Variants in SULT4A1 observed in about 807,000 individuals in gnomAD.
SULT4A1 encodes sulfotransferase 4A1.
Under a neutral mutation model 35.2 loss-of-function variants are expected in SULT4A1, and 11 were observed. The observed-to-expected ratio is 0.31, with a 90% CI of 0.20 to 0.52. The LOEUF is 0.52. Ranked by LOEUF, SULT4A1 falls within the 20% of genes least tolerant of loss-of-function variation. The probability of loss-of-function intolerance (pLI) is 0.97; values close to 1 mark genes in which losing one functional copy is unlikely to be tolerated. For missense variants in SULT4A1, 271 were observed against 383.7 expected (o/e 0.71, Z 2.45); for synonymous variants, 152 against 151.8 (o/e 1.00, Z -0.01).
chr22:43,842,808 G>C lies in SULT4A1; in HGVS notation c.170-876C>G, dbSNP rs150439736. 1.9e-3 allele frequency among the ~76,000 whole-genome samples: 286 copies of C among 152,304 alleles called. 3 individuals carry two copies. The highest frequency in any genetic ancestry group is 6.6e-3 in the African/African-American group (274 of 41,560). ...GACACAAAGGCGATTCCGGGGTCTA[G>C]AGCTATTAACTGGGTCTGGTGGGAA... is the stretch of plus-strand genomic sequence containing the variant. On this transcript the variant is annotated intron_variant, in intron 1 of 6. Coordinates refer to ENST00000330884, the MANE Select transcript of SULT4A1 (RefSeq NM_014351.4).
intron 1 of SULT4A1, among the ~76,000 whole-genome samples, chr22:43,844,752 A>G (rs2063461576): frequency 6.6e-6 from 1 of 152,144 alleles, no homozygotes. Context: ...TGCCCCTTCA[A>G]GTCGGCCTTT....
At chr22:43,848,678 A>T (rs138093652) in intron 1 of SULT4A1, among the ~76,000 whole-genome samples, 16 of 152,334 alleles carry the variant, frequency 1.1e-4, no homozygotes, top group Middle Eastern at 3.4e-3. Flanking sequence ...TTGCTGTGGG[A>T]CAAACAGGGG....
intron 1 of SULT4A1, among the ~76,000 whole-genome samples, chr22:43,852,049 T>G (rs2049347656): frequency 6.6e-6 from 1 of 152,154 alleles, no homozygotes; most frequent in Non-Finnish European, 1.5e-5. Flanking sequence ...TAGTGAGGTT[T>G]CAAGAGGAAA....
chr22:43,826,107 A>G lies in SULT4A1; in HGVS notation c.749T>C (p.Val250Ala), dbSNP rs1180774998. The G allele has an allele frequency of 1.9e-6, 3 of 1,613,950 alleles. No individual in the cohort carries two copies. The highest frequency in any genetic ancestry group is 2.5e-6 in the Non-Finnish European group (3 of 1,179,976). ...AEALPVGRGR[V>A]GLWKDIFTVS... ...GGTGAAGATGTCCTTCCACAGCCCA[A>G]CTCTTCCTGAAACGCAAACAAGAGA... Residue 250 changes from valine (V) to alanine (A), a missense_variant, in exon 7 of 7, where the codon GTT becomes GCT. Around this residue, in one of 3 missense-constraint regions of SULT4A1, gnomAD observed 32 missense variants for 61.9 expected, o/e 0.52. Transcript: ENST00000330884.
chr22:43,854,568 T>C (rs1186501237), intron 1 of SULT4A1, among the ~76,000 whole-genome samples: 1 of 151,978 alleles, frequency 6.6e-6, no homozygotes, highest in African/African-American at 2.4e-5. Context: ...GCCCTAGAGG[T>C]CACCTGCAGC....
At chr22:43,860,200 G>A (rs746344769) in intron 1 of SULT4A1, among the ~76,000 whole-genome samples, 3 of 152,158 alleles carry the variant, frequency 2.0e-5, no homozygotes, top group Non-Finnish European at 4.4e-5. Context: ...AAGGAGGCCC[G>A]TGGGTTCCCT....
At position 43,855,106 on chromosome 22, in the gene SULT4A1, G is replaced by A. The variant is rs570897089; in HGVS notation, c.169+7108C>T. Among the ~76,000 whole-genome samples the A allele has an allele frequency of 8.5e-5, 13 of 152,322 alleles. No individual in the cohort carries two copies. In the South Asian group the frequency reaches 2.7e-3, roughly 32 times the overall value. On this transcript the variant is annotated intron_variant, in intron 1 of 6. Transcript: ENST00000330884. ...TCCAGGCATCAGCAGCAGCGACGAT[G>A]GTGCGGACAGTCACAGTGGACGAGG...
chr22:43,852,020 T>C (rs916852551), intron 1 of SULT4A1, among the ~76,000 whole-genome samples: 20 of 152,312 alleles, frequency 1.3e-4, no homozygotes, highest in African/African-American at 4.3e-4. Context: ...CAGAGCTTTC[T>C]ATCCCTTTAT....
intron 5 of SULT4A1, among the ~76,000 whole-genome samples, chr22:43,833,083 C>T (rs1244144194): frequency 6.6e-6 from 1 of 152,136 alleles, no homozygotes; most frequent in Non-Finnish European, 1.5e-5. Flanking sequence ...TCCCATGGGC[C>T]AGGCCACAGG....
chr22:43,857,815 C>T (rs988366955), intron 1 of SULT4A1, among the ~76,000 whole-genome samples: 9 of 151,918 alleles, frequency 5.9e-5, no homozygotes, highest in Non-Finnish European at 8.8e-5. Flanking sequence ...TTTGGGAGGC[C>T]GAGGTAAGAG....
At chr22:43,851,357 G>C (rs566302345) in intron 1 of SULT4A1, among the ~76,000 whole-genome samples, 13 of 152,198 alleles carry the variant, frequency 8.5e-5, no homozygotes, top group African/African-American at 3.1e-4. Context: ...CTCCTCACAT[G>C]GTCTTTGCTT....
intron 6 of SULT4A1, chr22:43,827,262 C>T (rs2063293607): frequency 2.0e-6 from 2 of 985,426 alleles, no homozygotes; most frequent in Non-Finnish European, 2.4e-6. Flanking sequence ...CGGTCCTTGT[C>T]CAGGCAGGAC....
chr22:43,857,157 AG>A (rs1476066934), intron 1 of SULT4A1, among the ~76,000 whole-genome samples: 1 of 152,212 alleles, frequency 6.6e-6, no homozygotes, highest in African/African-American at 2.4e-5. Context: ...TGCTTCTGAC[AG>A]CTCATCAGCA....
chr22:43,850,852 G>A (rs939779571), intron 1 of SULT4A1, among the ~76,000 whole-genome samples: 1 of 151,982 alleles, frequency 6.6e-6, no homozygotes, highest in East Asian at 1.9e-4. Context: ...TCTCACTGCC[G>A]ATGGTGCCGC....
intron 1 of SULT4A1, among the ~76,000 whole-genome samples, chr22:43,845,537 G>A (rs2063469679): frequency 6.6e-6 from 1 of 150,490 alleles, no homozygotes; most frequent in African/African-American, 2.4e-5. Context: ...TGTGTCCAGA[G>A]CTGACCCTCC....
chr22:43,840,291 A>C (rs920579133), intron 2 of SULT4A1, among the ~76,000 whole-genome samples: 1 of 151,004 alleles, frequency 6.6e-6, no homozygotes, highest in Non-Finnish European at 1.5e-5. Context: ...GGAGAACGGT[A>C]GGGGTCAGAG....
intron 1 of SULT4A1, among the ~76,000 whole-genome samples, chr22:43,858,073 GAAA>G (rs1350176497): frequency 1.5e-5 from 2 of 130,992 alleles, no homozygotes; most frequent in Admixed American, 7.7e-5. Context: ...AAAAAGGAAA[GAAA>G]GAAAAAAAAA....
rs2063293727 is a variant in SULT4A1 at position 43,827,267 on chromosome 22, C to G, written c.743-1154G>C. 7.1e-6 allele frequency: 7 copies of G among 985,270 alleles called. No homozygotes were observed. In the South Asian group the frequency reaches 2.8e-4, roughly 40 times the overall value. 61.0% of individuals were successfully genotyped at this position (985,270 alleles called of 1,614,324 possible). A position where few individuals can be genotyped will look rare whatever the true frequency, so the allele number is the denominator to read the frequency against. On this transcript the variant is annotated intron_variant, in intron 6 of 6. Transcript: ENST00000330884. The stretch of plus-strand genomic sequence containing the variant: ...TTATTAACAGCGGTCCTTGTCCAGG[C>G]AGGACCTCAGGTTTTTCAAACTGCA...
intron 5 of SULT4A1, among the ~76,000 whole-genome samples, chr22:43,832,033 G>C (rs918629348): frequency 6.6e-6 from 1 of 152,192 alleles, no homozygotes; most frequent in East Asian, 1.9e-4. Context: ...CAGAGGCTTG[G>C]GGTGGTCAGG....
Sources: allele counts gnomAD v4.1 joint callset (sites outside exome capture counted in the v4.1 genomes callset), GRCh38; gene constraint gnomAD v4.1.1; regional missense constraint gnomAD v4.1.1; transcripts MANE v1.5; gene names NCBI Gene and HGNC (gene_info 2026-07-23, HGNC 2026-07-21).